TM6SF1: variants seen among roughly 807,000 people sequenced by gnomAD.
The protein encoded by TM6SF1 is transmembrane 6 superfamily member 1.
Under a neutral mutation model 47.1 loss-of-function variants are expected in TM6SF1, and 43 were observed. The ratio of observed to expected loss-of-function variants is 0.91; its 90% CI spans 0.72 to 1.18. The LOEUF is 1.18. Among genes scored for constraint, TM6SF1 ranks in the 50% most tolerant of loss-of-function variants. The pLI, the probability that TM6SF1 is intolerant of heterozygous loss-of-function variation, is 0.00. For synonymous variants in TM6SF1, 177 were observed against 166.3 expected, an observed-to-expected ratio of 1.06 and a Z score of -0.49; for missense variants, 390 against 449.0, an observed-to-expected ratio of 0.87 and a Z score of 1.19.
At chr15:83,121,063 T>C (rs548710420) in intron 4 of TM6SF1, among the ~76,000 whole-genome samples, 6 of 152,054 alleles carry the variant, frequency 3.9e-5, no homozygotes, top group East Asian at 3.9e-4. Context: ...GGGTTATCAA[T>C]TGAAGGAACT....
In TM6SF1 at chr15:83,137,171, G is replaced by A. The variant is rs2036662494; in HGVS notation, c.*499G>A. 6.6e-6 allele frequency: 1 copy of A among 152,112 alleles called. No individual in the cohort carries two copies. The highest frequency in any genetic ancestry group is 6.6e-5 in the Admixed American group (1 of 15,264). The allele number at this position is 152,112 out of a possible 1,614,324, so 9.4% of individuals were successfully genotyped here. A position where few individuals can be genotyped will look rare whatever the true frequency, so the allele number is the denominator to read the frequency against. On this transcript the variant is annotated 3_prime_UTR_variant, in exon 10 of 10. Transcript: ENST00000322019. ...GTTGTTTGAAAAATGTTTTCCCAAG[G>A]AAAGTTTATTATTTGCTGCTGTTTC...
chr15:83,107,930 G>A lies in TM6SF1; in HGVS notation c.92+158G>A. 7.8e-7 allele frequency: 1 copy of A among 1,278,206 alleles called. No individual in the cohort carries two copies. 79.2% of individuals were successfully genotyped at this position (1,278,206 alleles called of 1,614,324 possible). ...TCCCCGCGCCTGGCCAGACTAGGGG[G>A]GCGCCCCAGGGGTCGCACGGGCCGG... On this transcript the variant is annotated intron_variant, in intron 1 of 9. Coordinates refer to ENST00000322019, the MANE Select transcript of TM6SF1 (RefSeq NM_023003.5). The surrounding 1 kb of genome is among the most constrained non-coding windows in gnomAD (Gnocchi z 5.6).
At chr15:83,129,512 TGAG>T (rs2036055874) in intron 9 of TM6SF1, 1 of 152,174 alleles carries the variant, frequency 6.6e-6, no homozygotes, top group Admixed American at 6.5e-5. Flanking sequence ...AATTTAAAGA[TGAG>T]GAGGCTGAGG....
At chr15:83,119,507 G>C in intron 3 of TM6SF1, 71 bp from the exon 4 acceptor site, 1 of 1,438,246 alleles carries the variant, frequency 7.0e-7, no homozygotes, top group Middle Eastern at 1.8e-4. Flanking sequence ...TATTTTACTT[G>C]CAATACAGGT....
In TM6SF1 at chr15:83,122,012, C is replaced by T. The variant is rs2151362618; in HGVS notation, c.481+9C>T. ...GCCAGGAAACATTGTAGGTAAGAAA[C>T]TTTATCTTAAAGTTCACTTTCCTTT... On this transcript the variant is annotated intron_variant, in intron 5 of 9. Transcript: ENST00000322019. The T allele has an allele frequency of 6.2e-7, 1 of 1,600,600 alleles. No individual in the cohort carries two copies. Among genetic ancestry groups the T allele is most frequent in the Non-Finnish European group, 8.5e-7 (1 of 1,172,316 alleles).
chr15:83,122,803 A>G lies in TM6SF1; in HGVS notation c.528A>G (p.Pro176=). 4 of 1,614,022 alleles carry G rather than the reference A, an allele frequency of 2.5e-6. No homozygotes were observed. Among genetic ancestry groups the G allele is most frequent in the Non-Finnish European group, 3.4e-6 (4 of 1,179,964 alleles). ...GCCCTGCTTTTTTCTTAAGCATACCATATACTTGTCTTCCTGTCTGGGCTG... is the reference window on the plus strand; with the variant it reads ...GCCCTGCTTTTTTCTTAAGCATACCGTATACTTGTCTTCCTGTCTGGGCTG... The part of the protein sequence containing the change: ...RICPAFFLSI[P]YTCLPVWAGF... Residue 176 remains proline, a synonymous_variant, in exon 6 of 10, where the codon CCA becomes CCG. Transcript: ENST00000322019.
chr15:83,115,710 T>C (rs778639034), intron 2 of TM6SF1, 135 bp from the exon 3 acceptor site: 1 of 728,398 alleles, frequency 1.4e-6, no homozygotes, highest in South Asian at 1.5e-5. Context: ...GGTATTCTGT[T>C]AGTCTATCTC....
chr15:83,120,587 C>T lies in TM6SF1; in HGVS notation c.398+906C>T, dbSNP rs199504029. 5.7e-4 allele frequency among the ~76,000 whole-genome samples: 72 copies of T among 125,912 alleles called. 1 individual carries two copies. Among genetic ancestry groups the T allele is most frequent in the African/African-American group, 1.8e-3 (61 of 34,408 alleles). 82.6% of individuals were successfully genotyped at this position (125,912 alleles called of 152,430 possible). On this transcript the variant is annotated intron_variant, in intron 4 of 9. Transcript: ENST00000322019. ...CACTCAAGGTCAGCTCCAGCTAATT[C>T]TTTTTTTTTTTTTTTTTTTTTGAGA...
intron 9 of TM6SF1, chr15:83,127,913 T>C (rs1409832972): frequency 1.2e-5 from 2 of 160,814 alleles, no homozygotes; most frequent in Non-Finnish European, 2.7e-5. Context: ...GTTTAAAAAA[T>C]GTTCTGGGCC....
intron 1 of TM6SF1, among the ~76,000 whole-genome samples, chr15:83,112,048 C>T (rs1354349205): frequency 2.0e-5 from 3 of 152,192 alleles, no homozygotes; most frequent in Admixed American, 6.5e-5. Context: ...TACCAAGCCT[C>T]GTGCCCTATC....
chr15:83,107,709 T>C lies in TM6SF1; in HGVS notation c.29T>C (p.Phe10Ser), dbSNP rs1209287685. 1 of 1,568,182 alleles carries C rather than the reference T, an allele frequency of 6.4e-7. No individual in the cohort carries two copies. Among genetic ancestry groups the C allele is most frequent in the African/African-American group, 1.4e-5 (1 of 70,664 alleles). Residue 10 changes from phenylalanine (F) to serine (S), a missense_variant, in exon 1 of 10, where the codon TTC becomes TCC. Physicochemically the swap from Phe to Ser is radical, Grantham distance 155. Transcript: ENST00000322019. This position sits in a 1 kb window ranked among gnomAD's most constrained non-coding sequence, Gnocchi z 5.6. ...AGTGCCTCTGCGGCCACCGGGGTCTTCGTGCTGTCCCTCTCGGCCATCCCG... is the reference window on the plus strand; with the variant it reads ...AGTGCCTCTGCGGCCACCGGGGTCTCCGTGCTGTCCCTCTCGGCCATCCCG... Reference protein sequence around the residue: MSASAATGVFVLSLSAIPVT... With the variant: MSASAATGVSVLSLSAIPVT...
chr15:83,110,866 GTAAT>G (rs1295756679), intron 1 of TM6SF1, among the ~76,000 whole-genome samples: 1 of 152,094 alleles, frequency 6.6e-6, no homozygotes, highest in African/African-American at 2.4e-5. Context: ...TTTAAAAAAT[GTAAT>G]TAATTGTTAT....
At chr15:83,126,950 TG>T in intron 8 of TM6SF1, 103 bp downstream of exon 8, 1 of 869,840 alleles carries the variant, frequency 1.1e-6, no homozygotes. Context: ...CCCAGCACTT[TG>T]GGAGGCCGAG....
Position 83,124,706 on chromosome 15 carries a change from G to A in TM6SF1, c.638G>A (p.Arg213Lys). 3 of 1,614,116 alleles carry A rather than the reference G, an allele frequency of 1.9e-6. No individual in the cohort carries two copies. The highest frequency in any genetic ancestry group is 1.7e-6 in the Non-Finnish European group (2 of 1,180,006). The change falls in exon 7 of 10, where the codon AGA (arginine) becomes AAA (lysine). Residue 213 changes from arginine (R) to lysine (K), a missense_variant. Transcript: ENST00000322019. ...IQEAQAKDLL[R>K]RPFDLMLVVC... Reference sequence around the variant, plus strand: ...GAAGCCCAAGCGAAAGACCTGCTGAGAAGACCATTTGATTTAATGTTGGTT... The same window carrying A: ...GAAGCCCAAGCGAAAGACCTGCTGAAAAGACCATTTGATTTAATGTTGGTT...
chr15:83,134,358 T>TC (rs1379334524), intron 9 of TM6SF1: 1 of 152,160 alleles, frequency 6.6e-6, no homozygotes, highest in Non-Finnish European at 1.5e-5. Context: ...GCAGCTGAGA[T>TC]TACAGGCGTC....
chr15:83,125,403 T>C (rs2035652780), intron 7 of TM6SF1, among the ~76,000 whole-genome samples: 1 of 152,260 alleles, frequency 6.6e-6, no homozygotes, highest in Non-Finnish European at 1.5e-5. Flanking sequence ...GTTAGAATCC[T>C]GGCCACTTAC....
chr15:83,131,316 C>A (rs2036229655), intron 9 of TM6SF1: 1 of 151,894 alleles, frequency 6.6e-6, no homozygotes, highest in South Asian at 2.1e-4. Context: ...AGTTCTAGAT[C>A]AGTATAGGCC....
chr15:83,136,109 C>T (rs12440386), intron 9 of TM6SF1: 40,072 of 162,674 alleles, frequency 0.25, 5,268 homozygotes, highest in African/African-American at 0.34. Context: ...AGTCTGTATG[C>T]AGGATCTCCA....
chr15:83,115,985 C>T (rs1753176874), intron 3 of TM6SF1, 43 bp downstream of exon 3: 2 of 1,437,026 alleles, frequency 1.4e-6, no homozygotes, highest in African/African-American at 1.4e-5. Flanking sequence ...ACCAAAAGGC[C>T]ACAACCCAGA....
Sources: allele counts gnomAD v4.1 joint callset (sites outside exome capture counted in the v4.1 genomes callset), GRCh38; gene constraint gnomAD v4.1.1; non-coding constraint Gnocchi (gnomAD v3.1); transcripts MANE v1.5; gene names NCBI Gene and HGNC (gene_info 2026-07-23, HGNC 2026-07-21).